CLUL1: variants seen among roughly 807,000 people sequenced by gnomAD.
The protein encoded by CLUL1 is clusterin-like protein 1.
CLUL1 carries 43 observed loss-of-function variants against 49.4 expected under a neutral mutation model. The ratio of observed to expected loss-of-function variants is 0.87; its 90% CI spans 0.68 to 1.12. The LOEUF (loss-of-function observed/expected upper bound fraction) is 1.12. Ranked by LOEUF, CLUL1 falls within the 50% of genes most tolerant of loss-of-function variation. CLUL1 has a pLI of 0.00. For synonymous variants in CLUL1, 192 were observed against 184.9 expected, an observed-to-expected ratio of 1.04 and a Z score of -0.31; for missense variants, 486 against 544.4, an observed-to-expected ratio of 0.89 and a Z score of 1.07.
Position 645,088 on chromosome 18 carries a change from T to A in CLUL1, c.1388T>A (p.Phe463Tyr), listed in dbSNP as rs554574461. The A allele has an allele frequency of 1.2e-6, 2 of 1,600,930 alleles. No individual in the cohort carries two copies. Among genetic ancestry groups the A allele is most frequent in the Admixed American group, 3.5e-5 (2 of 57,780 alleles). ...AKALQHFKEHFKTW is the reference protein window; with the variant it reads ...AKALQHFKEHYKTW Reference sequence around the variant, plus strand: ...GCTCTACAGCATTTTAAGGAACATTTTAAAACCTGGTAAGCAGAGTGCCTG... The same window carrying A: ...GCTCTACAGCATTTTAAGGAACATTATAAAACCTGGTAAGCAGAGTGCCTG... The change falls in exon 9 of 10, where the codon TTT (phenylalanine) becomes TAT (tyrosine). Residue 463 changes from phenylalanine to tyrosine, a missense_variant. By Grantham distance (22) the Phe-to-Tyr change is conservative (BLOSUM62 3). Coordinates refer to ENST00000692774, the MANE Select transcript of CLUL1 (RefSeq NM_001393344.1).
chr18:625,558 CA>C (rs2073660974), intron 5 of CLUL1, among the ~76,000 whole-genome samples: 1 of 139,028 alleles, frequency 7.2e-6, no homozygotes, highest in African/African-American at 2.6e-5. Context: ...CACACACACA[CA>C]CCCCTTCATG....
rs779228301 is a variant in CLUL1, at chr18:617,985, C to T, written c.-13-3C>T. On this transcript the variant is annotated splice_region_variant and splice_polypyrimidine_tract_variant and intron_variant, in intron 2 of 9. Transcript: ENST00000692774. ...TTGATGCGGGTTTATTTTTCCTTTG[C>T]AGTAACAGCGGGAACATGAAGCCGC... 3.7e-6 allele frequency: 6 copies of T among 1,611,952 alleles called. No individual in the cohort carries two copies. Among genetic ancestry groups the T allele is most frequent in the Non-Finnish European group, 5.1e-6 (6 of 1,178,668 alleles).
Position 641,401 on chromosome 18 carries a change from T to C in CLUL1, c.1069T>C (p.Tyr357His), listed in dbSNP as rs1319742928. ...IRLVNVSNQQ[Y>H]GQILQMTRKH... Reference sequence around the variant, plus strand: ...GTTGGTCAATGTATCCAATCAGCAGTATGGCCAGATTCTCCAGATGACCCG... The same window carrying C: ...GTTGGTCAATGTATCCAATCAGCAGCATGGCCAGATTCTCCAGATGACCCG... Residue 357 changes from tyrosine (Y) to histidine (H), a missense_variant, in exon 8 of 10, where the codon TAT becomes CAT. Physicochemically the swap from Tyr to His is moderately conservative, Grantham distance 83. Transcript: ENST00000692774. 6.2e-7 allele frequency: 1 copy of C among 1,614,064 alleles called. No individual in the cohort carries two copies. Among genetic ancestry groups the C allele is most frequent in the Non-Finnish European group, 8.5e-7 (1 of 1,180,046 alleles).
At chr18:627,980 C>T (rs1408377972) in intron 6 of CLUL1, among the ~76,000 whole-genome samples, 2 of 152,142 alleles carry the variant, frequency 1.3e-5, no homozygotes, top group African/African-American at 2.4e-5. Flanking sequence ...TGCACCACCA[C>T]GCCCAGCTAA....
At chr18:626,876 AAAG>A in intron 5 of CLUL1, among the ~76,000 whole-genome samples, 1 of 192 alleles carries the variant, frequency 5.2e-3, no homozygotes, top group Non-Finnish European at 0.25. Context: ...AGAAAGAAAG[AAAG>A]AAAGAAAGAA....
intron 1 of CLUL1, among the ~76,000 whole-genome samples, chr18:599,268 G>A (rs1016787322): frequency 1.3e-5 from 2 of 152,290 alleles, no homozygotes; most frequent in African/African-American, 2.4e-5. Context: ...ACCTGGGTTA[G>A]ATAAAATTCC....
intron 9 of CLUL1, among the ~76,000 whole-genome samples, chr18:648,090 G>A (rs1299750349): frequency 6.6e-6 from 1 of 152,230 alleles, no homozygotes; most frequent in African/African-American, 2.4e-5. Flanking sequence ...AAGGTGGGAA[G>A]AGGTCAGGGC....
intron 5 of CLUL1, among the ~76,000 whole-genome samples, chr18:625,748 A>G (rs2073668300): frequency 6.6e-6 from 1 of 152,150 alleles, no homozygotes; most frequent in Non-Finnish European, 1.5e-5. Context: ...GCTGAATACA[A>G]AATTGAGTGG....
chr18:626,598 CCT>C (rs1254764911), intron 5 of CLUL1, among the ~76,000 whole-genome samples: 1 of 151,692 alleles, frequency 6.6e-6, no homozygotes, highest in Non-Finnish European at 1.5e-5. Context: ...GTGGCTCACC[CCT>C]GTTATCCTAG....
intron 2 of CLUL1, among the ~76,000 whole-genome samples, chr18:616,990 C>A (rs1260770015): frequency 6.6e-6 from 1 of 152,146 alleles, no homozygotes; most frequent in South Asian, 2.1e-4. Flanking sequence ...TAAATATCCC[C>A]TTTGTGGGAG....
intron 7 of CLUL1, among the ~76,000 whole-genome samples, chr18:640,387 G>A (rs1327048205): frequency 6.6e-6 from 1 of 151,616 alleles, no homozygotes; most frequent in Non-Finnish European, 1.5e-5. Flanking sequence ...TCCAGCCTGG[G>A]TAACAGAGCG....
At chr18:637,840 G>A (rs1011258842) in intron 7 of CLUL1, among the ~76,000 whole-genome samples, 1 of 152,060 alleles carries the variant, frequency 6.6e-6, no homozygotes, top group African/African-American at 2.4e-5. Context: ...CAGATATGGT[G>A]GTATGAACCT....
chr18:601,928 G>T (rs998822806), intron 1 of CLUL1, among the ~76,000 whole-genome samples: 1 of 151,748 alleles, frequency 6.6e-6, no homozygotes, highest in East Asian at 1.9e-4. Flanking sequence ...GCCAAAATAG[G>T]TAACAGACAG....
At chr18:610,631 T>C (rs1032106752) in intron 2 of CLUL1, among the ~76,000 whole-genome samples, 2 of 152,162 alleles carry the variant, frequency 1.3e-5, no homozygotes, top group Admixed American at 6.5e-5. Flanking sequence ...GAGAAACATC[T>C]GACGGAGGAC....
intron 6 of CLUL1, among the ~76,000 whole-genome samples, chr18:630,392 A>G (rs2088488239): frequency 1.6e-5 from 2 of 124,578 alleles, no homozygotes; most frequent in Non-Finnish European, 3.4e-5. Context: ...TACAGGCATG[A>G]GCCATCATGC....
At chr18:626,942 AGAAGGAAGGAAGGAAGGAAGGAAG>A (rs1198222417) in intron 5 of CLUL1, among the ~76,000 whole-genome samples, 131 bp from the exon 6 acceptor site, 1 of 1,502 alleles carries the variant, frequency 6.7e-4, no homozygotes, top group Admixed American at 0.02. Context: ...AAAGAAGGAA[AGAAGGAAGGAAGGAAGGAAGGAAG>A]GAAGGAAGGA....
intron 2 of CLUL1, among the ~76,000 whole-genome samples, chr18:615,687 T>A (rs1363625506): frequency 6.6e-6 from 1 of 152,228 alleles, no homozygotes; most frequent in African/African-American, 2.4e-5. Flanking sequence ...TTTATAGGTG[T>A]GGATTGTAGT....
At chr18:645,810 A>AAAAAAAAAATATAT (rs1451607900) in intron 9 of CLUL1, among the ~76,000 whole-genome samples, 2 of 29,872 alleles carry the variant, frequency 6.7e-5, no homozygotes, top group African/African-American at 1.4e-4. Flanking sequence ...AAAAAAAAAA[A>AAAAAAAAAATATAT]ATATATATAT....
At chr18:613,834 T>C (rs1381116297) in intron 2 of CLUL1, among the ~76,000 whole-genome samples, 1 of 152,190 alleles carries the variant, frequency 6.6e-6, no homozygotes, top group Non-Finnish European at 1.5e-5. Context: ...ACATTTTCAT[T>C]TATAATAACT....
Sources: allele counts gnomAD v4.1 joint callset (sites outside exome capture counted in the v4.1 genomes callset), GRCh38; gene constraint gnomAD v4.1.1; transcripts MANE v1.5; gene names NCBI Gene and HGNC (gene_info 2026-07-23, HGNC 2026-07-21).